Variants in KSR2 observed in about 807,000 individuals in gnomAD.
The protein encoded by KSR2 is kinase suppressor of ras 2.
Under a neutral mutation model 107.8 loss-of-function variants are expected in KSR2, and 25 were observed. That is an observed-to-expected ratio of 0.23 (90% CI 0.17 to 0.32). The LOEUF (loss-of-function observed/expected upper bound fraction) is 0.32, where lower values mean the gene tolerates loss of function less well. Among genes scored for constraint, KSR2 ranks in the 10% least tolerant of loss-of-function variants. The probability of loss-of-function intolerance (pLI) is 1.00; values close to 1 mark genes in which losing one functional copy is unlikely to be tolerated. For synonymous variants in KSR2, 480 were observed against 507.0 expected, an observed-to-expected ratio of 0.95 and a Z score of 0.71; for missense variants, 887 against 1,268.9, an observed-to-expected ratio of 0.70 and a Z score of 4.57.
At chr12:117,687,118 T>C (rs1885606051) in intron 4 of KSR2, among the ~76,000 whole-genome samples, 1 of 152,194 alleles carries the variant, frequency 6.6e-6, no homozygotes, top group Non-Finnish European at 1.5e-5. Context: ...TGCTCCCTCT[T>C]TTCCAAGCTT....
chr12:117,596,466 CTTCCCACCTGCCAT>C (rs1205584005), intron 5 of KSR2, among the ~76,000 whole-genome samples: 1 of 152,188 alleles, frequency 6.6e-6, no homozygotes, highest in Non-Finnish European at 1.5e-5. Flanking sequence ...GTGTCTGCCA[CTTCCCACCTGCCAT>C]AACGCACCAA....
At chr12:117,733,726 A>T (rs1409982173) in intron 4 of KSR2, among the ~76,000 whole-genome samples, 1 of 151,636 alleles carries the variant, frequency 6.6e-6, no homozygotes, top group East Asian at 1.9e-4. Context: ...TACTTCCCCT[A>T]CCCCAGCCCT....
rs139735584 is a variant in KSR2, at chr12:117,454,466, A to T, written c.*12733T>A. On this transcript the variant is annotated 3_prime_UTR_variant, in exon 20 of 20. Coordinates refer to ENST00000339824, the MANE Select transcript of KSR2 (RefSeq NM_173598.6). ...AGATGCTTTGTTTTCTGTCTTTCAA[A>T]CCCTGACATATTTATAGAGACAGCA... The T allele has an allele frequency of 6.6e-6, 1 of 152,356 alleles. No homozygotes were observed. Among genetic ancestry groups the T allele is most frequent in the Non-Finnish European group, 1.5e-5 (1 of 68,040 alleles). 9.4% of individuals were successfully genotyped at this position (152,356 alleles called of 1,614,324 possible).
chr12:117,456,339 G>A lies in KSR2; in HGVS notation c.*10860C>T, dbSNP rs1354652536. On this transcript the variant is annotated 3_prime_UTR_variant, in exon 20 of 20. Coordinates refer to ENST00000339824, the MANE Select transcript of KSR2 (RefSeq NM_173598.6). Reference sequence around the variant, plus strand: ...GGGGCAGGGGGCCTCGGTGTGGCAGGGCAAGTACCTTAGAGTACCTTGATG... The same window carrying A: ...GGGGCAGGGGGCCTCGGTGTGGCAGAGCAAGTACCTTAGAGTACCTTGATG... 1 of 152,212 alleles carries A rather than the reference G, an allele frequency of 6.6e-6. No individual in the cohort carries two copies. The highest frequency in any genetic ancestry group is 1.5e-5 in the Non-Finnish European group (1 of 68,134). The allele number at this position is 152,212 out of a possible 1,614,324, so 9.4% of individuals were successfully genotyped here. A position where few individuals can be genotyped will look rare whatever the true frequency, so the allele number is the denominator to read the frequency against.
chr12:117,517,810 C>G (rs1368115739), intron 14 of KSR2: 9 of 455,362 alleles, frequency 2.0e-5, no homozygotes, highest in South Asian at 1.4e-4. Context: ...TGTGCTCAGG[C>G]CCCCCAACTC....
At chr12:117,661,920 T>G (rs905264212) in intron 5 of KSR2, among the ~76,000 whole-genome samples, 1 of 152,240 alleles carries the variant, frequency 6.6e-6, no homozygotes, top group Non-Finnish European at 1.5e-5. Flanking sequence ...CTTTAGGAAC[T>G]GTTCTGTAGC....
intron 4 of KSR2, among the ~76,000 whole-genome samples, chr12:117,684,378 A>G (rs1885485554): frequency 6.6e-6 from 1 of 152,224 alleles, no homozygotes; most frequent in South Asian, 2.1e-4. Context: ...TAACAGCTCC[A>G]TAAAAACAGT....
At position 117,530,972 on chromosome 12, in the gene KSR2, C is replaced by A; in HGVS notation, c.1771G>T (p.Val591Phe). 1 of 1,613,714 alleles carries A rather than the reference C, an allele frequency of 6.2e-7. No homozygotes were observed. The highest frequency in any genetic ancestry group is 8.5e-7 in the Non-Finnish European group (1 of 1,179,780). ...TTCGAGGTCACCGGATGCAGGATGA[C>A]CTGGGGCGCCCGGGTCGGCGTCTCC... is the stretch of plus-strand genomic sequence containing the variant. The part of the protein sequence containing the change: ...VPETPTRAPQ[V>F]ILHPVTSNPI... The change falls in exon 12 of 20, where the codon GTC (valine) becomes TTC (phenylalanine). Residue 591 changes from valine (V) to phenylalanine (F), a missense_variant. By Grantham distance (50) the Val-to-Phe change is conservative (BLOSUM62 -1). Around this residue, in one of 8 missense-constraint regions of KSR2, gnomAD observed 308 missense variants for 506.2 expected, o/e 0.61. Coordinates refer to ENST00000339824, the MANE Select transcript of KSR2 (RefSeq NM_173598.6).
intron 4 of KSR2, among the ~76,000 whole-genome samples, chr12:117,713,406 T>C (rs894077787): frequency 6.6e-6 from 1 of 152,148 alleles, no homozygotes; most frequent in Non-Finnish European, 1.5e-5. Context: ...TTCTGTCTCT[T>C]TGGGGAACTC....
chr12:117,836,840 T>G (rs1335683587), intron 3 of KSR2, among the ~76,000 whole-genome samples: 1 of 152,204 alleles, frequency 6.6e-6, no homozygotes, highest in African/African-American at 2.4e-5. Context: ...TCGGGAGGGC[T>G]CCCATGCAGC....
chr12:117,968,592 G>C lies in KSR2; in HGVS notation c.-337C>G. ...TCTGTACACTTAGGGAGGAGGAGGA[G>C]GAGGAAAAAGAAGAGGAGAAGGAGG... On this transcript the variant is annotated 5_prime_UTR_variant, in exon 1 of 20. Transcript: ENST00000339824. The C allele has an allele frequency of 1.6e-6, 1 of 609,382 alleles. No homozygotes were observed. The highest frequency in any genetic ancestry group is 2.2e-6 in the Non-Finnish European group (1 of 456,124). The allele number at this position is 609,382 out of a possible 1,614,324, so 37.7% of individuals were successfully genotyped here.
intron 1 of KSR2, among the ~76,000 whole-genome samples, chr12:117,911,653 A>G (rs1895017827): frequency 6.6e-6 from 1 of 151,952 alleles, no homozygotes; most frequent in Admixed American, 6.6e-5. Flanking sequence ...TTTTCCTTAG[A>G]AGCCCATGTC....
At chr12:117,567,747 T>G (rs1010873441) in intron 7 of KSR2, among the ~76,000 whole-genome samples, 1 of 152,042 alleles carries the variant, frequency 6.6e-6, no homozygotes, top group African/African-American at 2.4e-5. Context: ...CTGAGCATTC[T>G]GGTCTCATGT....
At chr12:117,664,162 C>G (rs1292494398) in intron 5 of KSR2, among the ~76,000 whole-genome samples, 1 of 152,220 alleles carries the variant, frequency 6.6e-6, no homozygotes. Context: ...TTTCCCCACT[C>G]ACCACTCCCA....
intron 5 of KSR2, among the ~76,000 whole-genome samples, chr12:117,649,022 A>T (rs1238114654): frequency 6.6e-6 from 1 of 152,226 alleles, no homozygotes; most frequent in Non-Finnish European, 1.5e-5. Flanking sequence ...TGTCCATCTG[A>T]ACAATTTCTG....
chr12:117,896,458 A>ATTT lies in KSR2; in HGVS notation c.181-36030_181-36028dup, dbSNP rs1159176481. Among the ~76,000 whole-genome samples, 11 of 135,646 alleles carry ATTT rather than the reference A, an allele frequency of 8.1e-5. No individual in the cohort carries two copies. In the East Asian group the frequency reaches 1.3e-3, roughly 16 times the overall value. 89.0% of individuals were successfully genotyped at this position (135,646 alleles called of 152,430 possible). A position where few individuals can be genotyped will look rare whatever the true frequency, so the allele number is the denominator to read the frequency against. On this transcript the variant is annotated intron_variant, in intron 1 of 19. Coordinates refer to ENST00000339824, the MANE Select transcript of KSR2 (RefSeq NM_173598.6). The stretch of plus-strand genomic sequence containing the variant: ...AGAATTAGTGGTGGTTTCGCACAAC[A>ATTT]TTTTTTTTTTTTTTTTTTGAGACGG...
chr12:117,822,039 T>G (rs1380211168), intron 3 of KSR2, among the ~76,000 whole-genome samples: 1 of 152,232 alleles, frequency 6.6e-6, no homozygotes, highest in African/African-American at 2.4e-5. Context: ...AAAACCAAGA[T>G]AGCAATGAGA....
Position 117,735,974 on chromosome 12 carries a change from T to C in KSR2, c.986+25037A>G, listed in dbSNP as rs142401707. On this transcript the variant is annotated intron_variant, in intron 4 of 19. Transcript: ENST00000339824. ...TTAGAGTAATTTTCCCAGAGTGTTG[T>C]GTTGAGAAGGATTCTGAAGTCATAC... 1.7e-3 allele frequency among the ~76,000 whole-genome samples: 256 copies of C among 152,322 alleles called. No individual in the cohort carries two copies. The Middle Eastern group carries it at 0.02, about 12-fold the overall frequency.
intron 5 of KSR2, among the ~76,000 whole-genome samples, chr12:117,623,528 C>T (rs922907791): frequency 2.6e-5 from 4 of 152,156 alleles, no homozygotes; most frequent in Admixed American, 2.6e-4. Context: ...TGGTTTCCAG[C>T]TTAATCCATG....
Sources: gnomAD v4.1 joint callset for allele counts (sites outside exome capture counted in the v4.1 genomes callset) on GRCh38, gnomAD v4.1.1 for gene constraint, gnomAD v4.1.1 regional missense constraint, MANE v1.5 for transcripts, NCBI Gene and HGNC (gene_info 2026-07-23, HGNC 2026-07-21) for gene names.